Variants in ZNF629 observed in about 807,000 individuals in gnomAD.
ZNF629 encodes DNA-binding protein.
Under a neutral mutation model 59.7 loss-of-function variants are expected in ZNF629, and 9 were observed. The ratio of observed to expected loss-of-function variants is 0.15; its 90% CI spans 0.09 to 0.26. The LOEUF (loss-of-function observed/expected upper bound fraction) is 0.26. Ranked by LOEUF, ZNF629 falls within the 10% of genes least tolerant of loss-of-function variation. ZNF629 has a pLI of 1.00. For missense variants in ZNF629, 853 were observed against 1,165.4 expected (o/e 0.73, Z 3.90); for synonymous variants, 509 against 498.9 (o/e 1.02, Z -0.27).
intron 1 of ZNF629, 89 bp from the exon 2 acceptor site, chr16:30,784,604 G>T: frequency 1.0e-6 from 1 of 985,218 alleles, no homozygotes; most frequent in Non-Finnish European, 1.4e-6. Flanking sequence ...ACCCTGCCCC[G>T]CCCCATTCCT....
rs1322553269 is a variant in ZNF629 at position 30,787,013 on chromosome 16, G to A, written c.-34+15C>T. ...TCCAGGCCACCCCCCGGGAACCCAG[G>A]CGTCCCCAACTCACGGCTCTGGGGT... On this transcript the variant is annotated intron_variant, in intron 1 of 2. Transcript: ENST00000262525. 4 of 152,610 alleles carry A rather than the reference G, an allele frequency of 2.6e-5. No homozygotes were observed. The highest frequency in any genetic ancestry group is 5.9e-5 in the Non-Finnish European group (4 of 68,110). The allele number at this position is 152,610 out of a possible 1,614,324, so 9.5% of individuals were successfully genotyped here. A position where few individuals can be genotyped will look rare whatever the true frequency, so the allele number is the denominator to read the frequency against.
chr16:30,782,111 C>T lies in ZNF629; in HGVS notation c.2217G>A (p.Gly739=), dbSNP rs557378536. 3 of 1,606,674 alleles carry T rather than the reference C, an allele frequency of 1.9e-6. No individual in the cohort carries two copies. The highest frequency in any genetic ancestry group is 2.7e-5 in the African/African-American group (2 of 74,722). ...GCTCTGGACTCTTCTGGGAGCTCTT[C>T]CCGCCTGCATGGACTTTCTGGTGCA... ...LLLHQKVHAG[G]KSSQKSPELG... is the part of the protein sequence containing the mutation. Residue 739 remains glycine, a synonymous_variant, in exon 3 of 3, where the codon GGG becomes GGA. Coordinates refer to ENST00000262525, the MANE Select transcript of ZNF629 (RefSeq NM_001080417.3).
At position 30,782,664 on chromosome 16, in the gene ZNF629, C is replaced by G. The variant is rs754975163; in HGVS notation, c.1664G>C (p.Gly555Ala). Reference protein sequence around the residue: ...RAQGDSLLGLGDPSLLTPPPG... With the variant: ...RAQGDSLLGLADPSLLTPPPG... ...CGGCGGGGTCAGCAGGGAGGGGTCC[C>G]CGAGCCCCAGCAGGCTGTCGCCCTG... The change falls in exon 3 of 3, where the codon GGG (glycine) becomes GCG (alanine). Residue 555 changes from glycine (G) to alanine (A), a missense_variant. Physicochemically the swap from Gly to Ala is moderately conservative, Grantham distance 60. Around this residue, in one of 3 missense-constraint regions of ZNF629, gnomAD observed 420 missense variants for 435.6 expected, o/e 0.96. Coordinates refer to ENST00000262525, the MANE Select transcript of ZNF629 (RefSeq NM_001080417.3). The G allele has an allele frequency of 3.8e-6, 6 of 1,588,504 alleles. No homozygotes were observed. Among genetic ancestry groups the G allele is most frequent in the Admixed American group, 1.8e-5 (1 of 54,878 alleles).
chr16:30,784,324 C>A, intron 2 of ZNF629, 70 bp from the exon 3 acceptor site: 2 of 1,547,988 alleles, frequency 1.3e-6, no homozygotes, highest in East Asian at 2.4e-5. Context: ...CTCTTCCCTC[C>A]CCCGGGTGTC....
Position 30,781,679 on chromosome 16 carries a change from T to C in ZNF629, c.*39A>G, listed in dbSNP as rs554803163. ...TTTGGGGGAAAAAATCCAGTGTTCC[T>C]CTCTGGAGAGAGCGAGGCCCCTGGT... is the stretch of plus-strand genomic sequence containing the variant. On this transcript the variant is annotated 3_prime_UTR_variant, in exon 3 of 3. Transcript: ENST00000262525. The C allele has an allele frequency of 3.9e-6, 6 of 1,551,824 alleles. No individual in the cohort carries two copies. In the East Asian group the frequency reaches 1.4e-4, roughly 36 times the overall value.
In ZNF629 at chr16:30,779,715, G is replaced by A. The variant is rs936101604; in HGVS notation, c.*2003C>T. The A allele has an allele frequency of 4.6e-5, 7 of 152,154 alleles. No individual in the cohort carries two copies. Among genetic ancestry groups the A allele is most frequent in the Non-Finnish European group, 7.3e-5 (5 of 68,036 alleles). The allele number at this position is 152,154 out of a possible 1,614,324, so 9.4% of individuals were successfully genotyped here. On this transcript the variant is annotated 3_prime_UTR_variant, in exon 3 of 3. Coordinates refer to ENST00000262525, the MANE Select transcript of ZNF629 (RefSeq NM_001080417.3). ...CAAATGGCGAAGGATTTGCATAAAG[G>A]TTGTGTGAAACTTTAGGTCATGGAA...
At position 30,781,989 on chromosome 16, in the gene ZNF629, C is replaced by A; in HGVS notation, c.2339G>T (p.Arg780Leu). ...TTCTTGGTGCCGGGTGAGGGCCACGCGGTCGAGGAAGGAGGCCCTGCAATC... is the reference window on the plus strand; with the variant it reads ...TTCTTGGTGCCGGGTGAGGGCCACGAGGTCGAGGAAGGAGGCCCTGCAATC... ...CSDCRASFLD[R>L]VALTRHQETH... Residue 780 changes from arginine to leucine, a missense_variant, in exon 3 of 3, where the codon CGC (arginine) becomes CTC (leucine). This residue lies in a region of ZNF629 where 420 missense variants were observed against 435.6 expected (regional missense o/e 0.96). Transcript: ENST00000262525. 6.4e-7 allele frequency: 1 copy of A among 1,563,182 alleles called. No homozygotes were observed. The highest frequency in any genetic ancestry group is 1.9e-5 in the Admixed American group (1 of 51,800).
Position 30,782,724 on chromosome 16 carries a change from A to G in ZNF629, c.1604T>C (p.Ile535Thr). The change falls in exon 3 of 3, where the codon ATC becomes ACC. Residue 535 changes from isoleucine (I) to threonine (T), a missense_variant. Physicochemically the swap from Ile to Thr is moderately conservative, Grantham distance 89. Around this residue, in one of 3 missense-constraint regions of ZNF629, gnomAD observed 420 missense variants for 435.6 expected, o/e 0.96. Coordinates refer to ENST00000262525, the MANE Select transcript of ZNF629 (RefSeq NM_001080417.3). ...EAHELEQHRV[I>T]HERGKTPARR... ...CGCTGGGGTCTTCCCCCTCTCATGG[A>G]TCACCCGGTGCTGCTCCAGCTCGTG... 2.5e-6 allele frequency: 4 copies of G among 1,612,986 alleles called. No individual in the cohort carries two copies. Among genetic ancestry groups the G allele is most frequent in the South Asian group, 1.1e-5 (1 of 91,052 alleles).
chr16:30,783,283 G>T lies in ZNF629; in HGVS notation c.1045C>A (p.Leu349Ile). 3 of 1,613,528 alleles carry T rather than the reference G, an allele frequency of 1.9e-6. No homozygotes were observed. The highest frequency in any genetic ancestry group is 2.5e-6 in the Non-Finnish European group (3 of 1,179,824). The change falls in exon 3 of 3, where the codon CTA becomes ATA. Residue 349 changes from leucine to isoleucine, a missense_variant. Coordinates refer to ENST00000262525, the MANE Select transcript of ZNF629 (RefSeq NM_001080417.3). ...TGGCCGAAGCTCTTGCCGCACTCTA[G>T]GCACTCGTAGGGCTTCTCGCCTGTG... ...THTGEKPYEC[L>I]ECGKSFGHSS...
rs61729947 is a variant in ZNF629 at position 30,782,300 on chromosome 16, C to A, written c.2028G>T (p.Val676=). 1.2e-6 allele frequency: 2 copies of A among 1,611,362 alleles called. No individual in the cohort carries two copies. The highest frequency in any genetic ancestry group is 8.5e-7 in the Non-Finnish European group (1 of 1,178,762). Residue 676 remains valine, a synonymous_variant, in exon 3 of 3, where the codon GTG becomes GTT. Transcript: ENST00000262525. ...CGTGGGTGAGCTGATGCTGGAGGAG[C>A]ACAGAGCGATCCAGGAAGCTCTCTC... The part of the protein sequence containing the change: ...HCGESFLDRS[V]LLQHQLTHGN...
chr16:30,784,750 G>A (rs532055457), intron 1 of ZNF629, among the ~76,000 whole-genome samples: 2 of 152,230 alleles, frequency 1.3e-5, no homozygotes, highest in African/African-American at 4.8e-5. Context: ...ATTTAAGAGC[G>A]TAATTAAAAA....
In ZNF629 at chr16:30,782,471, G is replaced by T. The variant is rs1230679094; in HGVS notation, c.1857C>A (p.Leu619=). 1.9e-6 allele frequency: 3 copies of T among 1,567,554 alleles called. No homozygotes were observed. In the South Asian group the frequency reaches 3.5e-5, roughly 18 times the overall value. Residue 619 remains leucine (L), a synonymous_variant, in exon 3 of 3, where the codon CTC becomes CTA. Coordinates refer to ENST00000262525, the MANE Select transcript of ZNF629 (RefSeq NM_001080417.3). ...CGGGGTAGGAATTCCCTCTGAAAGGGAGCCTTGGGGATCGTAACTGAGGAG... is the reference window on the plus strand; with the variant it reads ...CGGGGTAGGAATTCCCTCTGAAAGGTAGCCTTGGGGATCGTAACTGAGGAG... ...PKPPQLRSPR[L]PFRGNSYPGA...
Position 30,782,426 on chromosome 16 carries a change from C to G in ZNF629, c.1902G>C (p.Ala634=), listed in dbSNP as rs1037885795. ...NSYPGAAEGR[A]EAPGQPLKPP... Reference sequence around the variant, plus strand: ...GCTTAAGGGGCTGTCCGGGGGCCTCCGCTCTGCCCTCCGCAGCCCCGGGGT... The same window carrying G: ...GCTTAAGGGGCTGTCCGGGGGCCTCGGCTCTGCCCTCCGCAGCCCCGGGGT... The change falls in exon 3 of 3, where the codon GCG becomes GCC. Residue 634 remains alanine, a synonymous_variant. Coordinates refer to ENST00000262525, the MANE Select transcript of ZNF629 (RefSeq NM_001080417.3). The G allele has an allele frequency of 7.7e-6, 12 of 1,566,344 alleles. No homozygotes were observed. Among genetic ancestry groups the G allele is most frequent in the African/African-American group, 1.4e-5 (1 of 73,710 alleles).
At position 30,783,077 on chromosome 16, in the gene ZNF629, G is replaced by C. The variant is rs1158725084; in HGVS notation, c.1251C>G (p.Leu417=). Residue 417 remains leucine, a synonymous_variant, in exon 3 of 3, where the codon CTC becomes CTG. Transcript: ENST00000262525. ...CGCGGTGGATGCGCTGGTGGTTGAT[G>C]AGGTTGGAGCTGACGCTGAAGCTCT... ...CGKSFSVSSN[L]INHQRIHRGE... The C allele has an allele frequency of 6.2e-7, 1 of 1,610,676 alleles. No individual in the cohort carries two copies. Among genetic ancestry groups the C allele is most frequent in the Admixed American group, 1.7e-5 (1 of 59,700 alleles).
chr16:30,784,518 G>A lies in ZNF629; in HGVS notation c.-33-3C>T. The A allele has an allele frequency of 6.6e-7, 1 of 1,507,950 alleles. No homozygotes were observed. The highest frequency in any genetic ancestry group is 1.4e-5 in the African/African-American group (1 of 71,634). The allele number at this position is 1,507,950 out of a possible 1,614,324, so 93.4% of individuals were successfully genotyped here. A position where few individuals can be genotyped will look rare whatever the true frequency, so the allele number is the denominator to read the frequency against. On this transcript the variant is annotated splice_region_variant and splice_polypyrimidine_tract_variant and intron_variant, in intron 1 of 2. Coordinates refer to ENST00000262525, the MANE Select transcript of ZNF629 (RefSeq NM_001080417.3). The stretch of plus-strand genomic sequence containing the variant: ...AGGACTGCAGTGTTCCAGGGACCCT[G>A]CGGGGGAAGACAGCGATGAGCGCAC...
rs966613923 is a variant in ZNF629, at chr16:30,779,657, A to G, written c.*2061T>C. On this transcript the variant is annotated 3_prime_UTR_variant, in exon 3 of 3. Coordinates refer to ENST00000262525, the MANE Select transcript of ZNF629 (RefSeq NM_001080417.3). ...ATGTTTGAGATTTTGATCCTTTTAA[A>G]TGTGAGGGTCATCCTGCTGGGGCCA... 1.3e-5 allele frequency: 2 copies of G among 152,100 alleles called. No individual in the cohort carries two copies. The highest frequency in any genetic ancestry group is 2.9e-5 in the Non-Finnish European group (2 of 68,040). The allele number at this position is 152,100 out of a possible 1,614,324, so 9.4% of individuals were successfully genotyped here.
In ZNF629 at chr16:30,782,662, C is replaced by G; in HGVS notation, c.1666G>C (p.Asp556His). 6.3e-7 allele frequency: 1 copy of G among 1,586,360 alleles called. No homozygotes were observed. The highest frequency in any genetic ancestry group is 8.6e-7 in the Non-Finnish European group (1 of 1,166,886). Reference protein sequence around the residue: ...AQGDSLLGLGDPSLLTPPPGA... With the variant: ...AQGDSLLGLGHPSLLTPPPGA... ...GGCGGCGGGGTCAGCAGGGAGGGGTCCCCGAGCCCCAGCAGGCTGTCGCCC... is the reference window on the plus strand; with the variant it reads ...GGCGGCGGGGTCAGCAGGGAGGGGTGCCCGAGCCCCAGCAGGCTGTCGCCC... The change falls in exon 3 of 3, where the codon GAC becomes CAC. Residue 556 changes from aspartate to histidine, a missense_variant. Physicochemically the swap from Asp to His is moderately conservative, Grantham distance 81 (BLOSUM62 -1). Around this residue, in one of 3 missense-constraint regions of ZNF629, gnomAD observed 420 missense variants for 435.6 expected, o/e 0.96. Transcript: ENST00000262525.
Position 30,784,043 on chromosome 16 carries a change from T to C in ZNF629, c.285A>G (p.Pro95=). ...ATGGGGTAGGGACTACCTCCGGGGCTGGGGGGTCCAGGGGGATCTGGTGGT... is the reference window on the plus strand; with the variant it reads ...ATGGGGTAGGGACTACCTCCGGGGCCGGGGGGTCCAGGGGGATCTGGTGGT... ...PLDHQIPLDP[P]APEVVPTPSD... Residue 95 remains proline, a synonymous_variant, in exon 3 of 3, where the codon CCA becomes CCG. Transcript: ENST00000262525. The C allele has an allele frequency of 7.0e-7, 1 of 1,421,124 alleles. No individual in the cohort carries two copies. Among genetic ancestry groups the C allele is most frequent in the Non-Finnish European group, 9.3e-7 (1 of 1,076,796 alleles). 88.0% of individuals were successfully genotyped at this position (1,421,124 alleles called of 1,614,324 possible).
rs2054273369 is a variant in ZNF629 at position 30,780,761 on chromosome 16, C to G, written c.*957G>C. On this transcript the variant is annotated 3_prime_UTR_variant, in exon 3 of 3. Coordinates refer to ENST00000262525, the MANE Select transcript of ZNF629 (RefSeq NM_001080417.3). ...TGCCTGCTACTTGCAGTTTCGCAAG[C>G]TTCCGGAAGCAAGAAGGGGCCTGGA... The G allele has an allele frequency of 1.3e-5, 2 of 152,182 alleles. No homozygotes were observed. Among genetic ancestry groups the G allele is most frequent in the African/African-American group, 4.8e-5 (2 of 41,418 alleles). 9.4% of individuals were successfully genotyped at this position (152,182 alleles called of 1,614,324 possible).
Sources: allele counts gnomAD v4.1 joint callset (sites outside exome capture counted in the v4.1 genomes callset), GRCh38; gene constraint gnomAD v4.1.1; regional missense constraint gnomAD v4.1.1; transcripts MANE v1.5; gene names NCBI Gene and HGNC (gene_info 2026-07-23, HGNC 2026-07-21).